The following CPXM2 variants were observed in gnomAD, a reference collection of about 807,000 sequenced individuals.
CPXM2 encodes carboxypeptidase X, M14 family member 2, also known as inactive carboxypeptidase-like protein X2.
Under a neutral mutation model 86.1 loss-of-function variants are expected in CPXM2, and 66 were observed. That is an observed-to-expected ratio of 0.77 (90% CI 0.63 to 0.94). CPXM2 has a LOEUF of 0.94. CPXM2 is among the 40% of genes least tolerant of loss of function. The pLI, the probability that CPXM2 is intolerant of heterozygous loss-of-function variation, is 0.00. For synonymous variants in CPXM2, 388 were observed against 400.2 expected, an observed-to-expected ratio of 0.97 and a Z score of 0.36; for missense variants, 948 against 1,026.3, an observed-to-expected ratio of 0.92 and a Z score of 1.04.
intron 6 of CPXM2, among the ~76,000 whole-genome samples, chr10:123,787,231 T>C (rs977823651): frequency 6.6e-6 from 1 of 151,902 alleles, no homozygotes; most frequent in Admixed American, 6.6e-5. Flanking sequence ...AGGGACACAA[T>C]TGGAAGAGAA....
intron 8 of CPXM2, chr10:123,769,497 G>C (rs1283346476): frequency 6.6e-6 from 1 of 152,362 alleles, no homozygotes; most frequent in Non-Finnish European, 1.5e-5. Flanking sequence ...TGGGAGGATT[G>C]CTTGAGCCCA....
At chr10:123,889,257 C>T (rs116027190) in intron 1 of CPXM2, among the ~76,000 whole-genome samples, 79 of 152,214 alleles carry the variant, frequency 5.2e-4, no homozygotes, top group African/African-American at 1.8e-3. Flanking sequence ...GAATGATGTC[C>T]GGTCACTTGT....
intron 2 of CPXM2, among the ~76,000 whole-genome samples, chr10:123,878,365 T>C (rs1454073828): frequency 6.9e-6 from 1 of 145,318 alleles, no homozygotes; most frequent in Admixed American, 7.3e-5. Context: ...GTATAGGGCA[T>C]TCAATGAACC....
At chr10:123,823,385 T>C (rs187844406) in intron 4 of CPXM2, among the ~76,000 whole-genome samples, 9 of 152,284 alleles carry the variant, frequency 5.9e-5, no homozygotes, top group Admixed American at 2.6e-4. Flanking sequence ...TGTATGGATA[T>C]ATTAAGAGGA....
At chr10:123,792,437 A>C (rs1847225757) in intron 6 of CPXM2, among the ~76,000 whole-genome samples, 1 of 152,168 alleles carries the variant, frequency 6.6e-6, no homozygotes, top group Non-Finnish European at 1.5e-5. Flanking sequence ...TTTGAAACGC[A>C]AGGCGCCAGC....
chr10:123,782,599 C>T (rs1025800169), intron 6 of CPXM2, among the ~76,000 whole-genome samples: 1 of 152,128 alleles, frequency 6.6e-6, no homozygotes, highest in African/African-American at 2.4e-5. Flanking sequence ...TTATTGAGAC[C>T]CTCCCTATTA....
At chr10:123,941,741 G>A (rs1338204205), upstream of CPXM2, among the ~76,000 whole-genome samples, 1 of 152,230 alleles carries the variant, frequency 6.6e-6, no homozygotes, top group Non-Finnish European at 1.5e-5. Flanking sequence ...CCCCTCCTCT[G>A]CCTTTGGGGG....
intron 4 of CPXM2, among the ~76,000 whole-genome samples, chr10:123,834,337 A>G (rs1210084496): frequency 3.3e-5 from 5 of 152,236 alleles, no homozygotes; most frequent in Non-Finnish European, 7.3e-5. Flanking sequence ...GCAGGGCTCT[A>G]ATCTAGCACT....
At chr10:123,880,379 A>G in intron 1 of CPXM2, 70 bp from the exon 2 acceptor site, 1 of 765,832 alleles carries the variant, frequency 1.3e-6, no homozygotes, top group East Asian at 2.5e-5. Flanking sequence ...TAAGAGTTCA[A>G]CTGTCCTCTC....
chr10:123,780,330 G>A (rs1026943868), intron 6 of CPXM2, 75 bp from the exon 7 acceptor site: 4 of 967,888 alleles, frequency 4.1e-6, no homozygotes, highest in Non-Finnish European at 6.7e-6. Context: ...GAGACACATG[G>A]GGACTGCACG....
chr10:123,799,767 A>G (rs962935422), intron 4 of CPXM2, among the ~76,000 whole-genome samples: 1 of 152,182 alleles, frequency 6.6e-6, no homozygotes, highest in African/African-American at 2.4e-5. Context: ...GAATCCAGTG[A>G]TGGCTGGACC....
At position 123,754,269 on chromosome 10, in the gene CPXM2, C is replaced by T. The variant is rs149060643; in HGVS notation, c.2017+394G>A. Among the ~76,000 whole-genome samples, 2 of 152,326 alleles carry T rather than the reference C, an allele frequency of 1.3e-5. No individual in the cohort carries two copies. The highest frequency in any genetic ancestry group is 2.4e-5 in the African/African-American group (1 of 41,572). On this transcript the variant is annotated intron_variant, in intron 13 of 13. Coordinates refer to ENST00000241305, the MANE Select transcript of CPXM2 (RefSeq NM_198148.3). This position sits in a 1 kb window ranked among gnomAD's most constrained non-coding sequence, Gnocchi z 4.0. Reference sequence around the variant, plus strand: ...ACCCAGTCTACAGCTTCTCCCTCTCCGGAGCAGCCTGGCTCCCTCGCTCCC... The same window carrying T: ...ACCCAGTCTACAGCTTCTCCCTCTCTGGAGCAGCCTGGCTCCCTCGCTCCC...
chr10:123,912,318 G>A (rs146739667), intron 2 of CPXM2, among the ~76,000 whole-genome samples: 1 of 126,578 alleles, frequency 7.9e-6, no homozygotes, highest in African/African-American at 2.9e-5. Context: ...CGGGGGGGGG[G>A]GGGCAGGCAT....
intron 6 of CPXM2, among the ~76,000 whole-genome samples, chr10:123,791,787 A>T (rs949266936): frequency 3.9e-5 from 6 of 152,208 alleles, no homozygotes; most frequent in African/African-American, 1.4e-4. Context: ...ATAAGATCAC[A>T]TTGGAGGTTC....
rs566743428 is a variant in CPXM2, at chr10:123,912,978, C to A, written n.174+26499G>T. Among the ~76,000 whole-genome samples the A allele has an allele frequency of 2.0e-5, 3 of 152,322 alleles. No homozygotes were observed. In the South Asian group the frequency reaches 6.2e-4, roughly 32 times the overall value. On this transcript the variant is annotated intron_variant and non_coding_transcript_variant, in intron 2 of 19. Coordinates refer to the CPXM2 transcript ENST00000368854. Reference sequence around the variant, plus strand: ...CCAAAGCTCATCCACACGGGTAGTTCTCTGCTGAAAGAGTGCTTAGCGATG... The same window carrying A: ...CCAAAGCTCATCCACACGGGTAGTTATCTGCTGAAAGAGTGCTTAGCGATG...
At chr10:123,852,880 G>T (rs1051307935) in intron 3 of CPXM2, among the ~76,000 whole-genome samples, 14 of 152,154 alleles carry the variant, frequency 9.2e-5, no homozygotes, top group African/African-American at 3.1e-4. Context: ...CGCTGGTTTT[G>T]TTTCCCTTCT....
chr10:123,864,250 C>T (rs1042489522), intron 2 of CPXM2, among the ~76,000 whole-genome samples: 1 of 152,008 alleles, frequency 6.6e-6, no homozygotes, highest in African/African-American at 2.4e-5. Context: ...GAGACCCCAC[C>T]CACTGAGAGA....
At chr10:123,939,843 G>C (rs2134294895) in intron 1 of CPXM2, among the ~76,000 whole-genome samples, 1 of 152,310 alleles carries the variant, frequency 6.6e-6, no homozygotes, top group Middle Eastern at 3.4e-3. Flanking sequence ...CTCTCTGACA[G>C]CCAGGCCCAA....
At chr10:123,913,182 G>A in intron 2 of CPXM2, among the ~76,000 whole-genome samples, 1 of 152,186 alleles carries the variant, frequency 6.6e-6, no homozygotes, top group African/African-American at 2.4e-5. Flanking sequence ...AATAAAAGAT[G>A]TGCTGTGGGT....
Sources: allele counts gnomAD v4.1 joint callset (sites outside exome capture counted in the v4.1 genomes callset), GRCh38; gene constraint gnomAD v4.1.1; non-coding constraint Gnocchi (gnomAD v3.1); transcripts MANE v1.5; gene names NCBI Gene and HGNC (gene_info 2026-07-23, HGNC 2026-07-21).